Variants in DESI2 observed in about 807,000 individuals in gnomAD.
DESI2 encodes the protein desumoylating isopeptidase 2, also known as deubiquitinase DESI2.
DESI2 carries 10 observed loss-of-function variants against 24.1 expected under a neutral mutation model. That is an observed-to-expected ratio of 0.41 (90% CI 0.26 to 0.70). The LOEUF (loss-of-function observed/expected upper bound fraction) is 0.70. Ranked by LOEUF, DESI2 falls within the 30% of genes least tolerant of loss-of-function variation. DESI2 has a pLI of 0.29. For synonymous variants in DESI2, 71 were observed against 87.7 expected (o/e 0.81, Z 1.06); for missense variants, 122 against 234.9 (o/e 0.52, Z 3.14).
chr1:244,694,536 C>T (rs1028065691), intron 4 of DESI2: 14 of 777,028 alleles, frequency 1.8e-5, no homozygotes, highest in South Asian at 4.0e-5. Context: ...GTGCCTCATT[C>T]GACCAGTCCC....
chr1:244,691,319 C>T (rs1318928747), intron 3 of DESI2, among the ~76,000 whole-genome samples: 2 of 152,260 alleles, frequency 1.3e-5, no homozygotes, highest in Non-Finnish European at 2.9e-5. Flanking sequence ...GAACTCCTGA[C>T]CTCAGGTGAT....
intron 1 of DESI2, among the ~76,000 whole-genome samples, chr1:244,663,790 G>A (rs1374907676): frequency 6.6e-6 from 1 of 151,874 alleles, no homozygotes; most frequent in East Asian, 2.0e-4. Flanking sequence ...AGGCCAAGGT[G>A]GACGGATCAT....
At chr1:244,697,020 A>G (rs1484873516) in intron 4 of DESI2, among the ~76,000 whole-genome samples, 1 of 152,188 alleles carries the variant, frequency 6.6e-6, no homozygotes, top group Admixed American at 6.5e-5. Flanking sequence ...ACCTGACTCT[A>G]TTAGGAGAGG....
chr1:244,657,827 A>C (rs1198081995), intron 1 of DESI2, among the ~76,000 whole-genome samples: 1 of 152,076 alleles, frequency 6.6e-6, no homozygotes, highest in African/African-American at 2.4e-5. Flanking sequence ...TTCTACATGC[A>C]CCTCTGTTCT....
chr1:244,660,541 T>C (rs1012263676), intron 1 of DESI2, among the ~76,000 whole-genome samples: 43 of 152,334 alleles, frequency 2.8e-4, no homozygotes, highest in African/African-American at 9.9e-4. Context: ...TTATTTGAAT[T>C]CCAAAGCAAC....
At chr1:244,677,604 CA>C (rs1212138905) in intron 1 of DESI2, among the ~76,000 whole-genome samples, 1 of 151,986 alleles carries the variant, frequency 6.6e-6, no homozygotes, top group South Asian at 2.1e-4. Flanking sequence ...ACAGAGCCTT[CA>C]AAAAAATAAC....
chr1:244,654,141 G>T, intron 1 of DESI2: 1 of 401,930 alleles, frequency 2.5e-6, no homozygotes. Context: ...TGGTTTGCCT[G>T]ATTTTTGCAG....
intron 1 of DESI2, among the ~76,000 whole-genome samples, chr1:244,666,192 A>AG (rs1676038306): frequency 6.6e-6 from 1 of 152,090 alleles, no homozygotes; most frequent in Non-Finnish European, 1.5e-5. Flanking sequence ...TTCACTGAAG[A>AG]GAAAAGAAAA....
At chr1:244,678,756 A>G (rs1457956630) in intron 1 of DESI2, among the ~76,000 whole-genome samples, 2 of 152,232 alleles carry the variant, frequency 1.3e-5, no homozygotes, top group African/African-American at 4.8e-5. Flanking sequence ...ATAATATTCT[A>G]TATTTTGAAA....
intron 1 of DESI2, among the ~76,000 whole-genome samples, chr1:244,679,639 G>A (rs1368249828): frequency 6.6e-6 from 1 of 152,194 alleles, no homozygotes; most frequent in Non-Finnish European, 1.5e-5. Context: ...GGGAGGCCAA[G>A]GAGGGTGGAT....
intron 1 of DESI2, among the ~76,000 whole-genome samples, chr1:244,684,158 A>G (rs1676732633): frequency 6.6e-6 from 1 of 152,122 alleles, no homozygotes; most frequent in Admixed American, 6.6e-5. Flanking sequence ...ATGGTTTTTT[A>G]TATGTGCAAC....
At chr1:244,653,396 C>T (rs372916872) in intron 1 of DESI2, 41 bp downstream of exon 1, 7 of 1,535,776 alleles carry the variant, frequency 4.6e-6, no homozygotes, top group Non-Finnish European at 6.1e-6. Flanking sequence ...TGGCCCAGGC[C>T]GGCTTCCTCT....
Position 244,661,559 on chromosome 1 carries a change from C to G in DESI2, c.42+8204C>G, listed in dbSNP as rs553884521. Among the ~76,000 whole-genome samples, 97 of 151,998 alleles carry G rather than the reference C, an allele frequency of 6.4e-4. No homozygotes were observed. The East Asian group carries it at 0.018, about 29-fold the overall frequency. ...TATCTCCTAATGCTATCCCTCCCCG[C>G]TCCCCCCACCCCACCACAGGCCCCA... On this transcript the variant is annotated intron_variant, in intron 1 of 4. Coordinates refer to ENST00000302550, the MANE Select transcript of DESI2 (RefSeq NM_016076.5).
intron 1 of DESI2, chr1:244,656,624 C>T (rs547334904): frequency 6.6e-6 from 1 of 152,284 alleles, no homozygotes; most frequent in Admixed American, 6.5e-5. Flanking sequence ...TGAGACAAAT[C>T]TCTGGTGTAG....
chr1:244,657,989 T>C (rs1675706960), intron 1 of DESI2, among the ~76,000 whole-genome samples: 1 of 152,148 alleles, frequency 6.6e-6, no homozygotes, highest in South Asian at 2.1e-4. Flanking sequence ...AGGCAAAAAG[T>C]TGGAAATGGC....
intron 4 of DESI2, among the ~76,000 whole-genome samples, chr1:244,693,678 G>A (rs547344807): frequency 1.3e-4 from 20 of 152,236 alleles, no homozygotes; most frequent in African/African-American, 4.3e-4. Flanking sequence ...TGATCCGCCC[G>A]CCTCAGCCTC....
intron 1 of DESI2, among the ~76,000 whole-genome samples, chr1:244,662,541 T>C (rs34425885): frequency 0.25 from 38,432 of 152,078 alleles, 4,886 homozygotes; most frequent in South Asian, 0.33. Context: ...TTTTTTGAAA[T>C]TTTTATCCAG....
rs1265139128 is a variant in DESI2, at chr1:244,699,638, G to A, written c.352-5918G>A. On this transcript the variant is annotated intron_variant, in intron 4 of 4. Coordinates refer to ENST00000302550, the MANE Select transcript of DESI2 (RefSeq NM_016076.5). The stretch of plus-strand genomic sequence containing the variant: ...AAAATTCTGTGAAAACTTTTGTCCC[G>A]CTTTAATATATCCCTTCCAGACAAA... Among the ~76,000 whole-genome samples, 10 of 136,128 alleles carry A rather than the reference G, an allele frequency of 7.3e-5. No individual in the cohort carries two copies. In the East Asian group the frequency reaches 1.1e-3, roughly 15 times the overall value. 89.3% of individuals were successfully genotyped at this position (136,128 alleles called of 152,430 possible). A position where few individuals can be genotyped will look rare whatever the true frequency, so the allele number is the denominator to read the frequency against.
chr1:244,661,951 T>C (rs1394128706), intron 1 of DESI2, among the ~76,000 whole-genome samples: 1 of 152,196 alleles, frequency 6.6e-6, no homozygotes, highest in Non-Finnish European at 1.5e-5. Flanking sequence ...GGTCAAATGG[T>C]ATTTCTAGTT....
Sources: gnomAD v4.1 joint callset for allele counts (sites outside exome capture counted in the v4.1 genomes callset) on GRCh38, gnomAD v4.1.1 for gene constraint, MANE v1.5 for transcripts, NCBI Gene and HGNC (gene_info 2026-07-23, HGNC 2026-07-21) for gene names.